Variants in RAB28 observed in about 807,000 individuals in gnomAD.
RAB28 encodes RAB28, member RAS oncogene family.
In RAB28, 24 loss-of-function variants were observed where a neutral mutation model predicts 31.7. The ratio of observed to expected loss-of-function variants is 0.76; its 90% confidence interval spans 0.55 to 1.06. RAB28 has a LOEUF of 1.06. Among genes scored for constraint, RAB28 ranks in the 50% least tolerant of loss-of-function variants. RAB28 has a pLI of 0.00. For synonymous variants in RAB28, 100 were observed against 90.4 expected, an observed-to-expected ratio of 1.11 and a Z score of -0.60; for missense variants, 254 against 258.5, an observed-to-expected ratio of 0.98 and a Z score of 0.12.
chr4:13,449,403 T>G (rs1051049404), intron 4 of RAB28, among the ~76,000 whole-genome samples: 2 of 151,922 alleles, frequency 1.3e-5, no homozygotes, highest in Non-Finnish European at 2.9e-5. Context: ...AAAAGTCTCT[T>G]TTAAAAGCCT....
chr4:13,440,439 A>G (rs886944221), intron 4 of RAB28, among the ~76,000 whole-genome samples: 1 of 152,116 alleles, frequency 6.6e-6, no homozygotes, highest in African/African-American at 2.4e-5. Context: ...TTATCAAAAA[A>G]GTTATTTAAA....
chr4:13,411,218 A>C (rs1712423735), intron 4 of RAB28, among the ~76,000 whole-genome samples: 1 of 152,200 alleles, frequency 6.6e-6, no homozygotes, highest in African/African-American at 2.4e-5. Context: ...CTGAACAAAA[A>C]AACAGCCCAA....
chr4:13,418,461 C>T (rs1405799847), intron 4 of RAB28, among the ~76,000 whole-genome samples: 1 of 151,980 alleles, frequency 6.6e-6, no homozygotes, highest in Non-Finnish European at 1.5e-5. Context: ...TCAGATTCAC[C>T]AAGGTTGAAA....
chr4:13,430,889 C>T (rs1159842661), intron 4 of RAB28, among the ~76,000 whole-genome samples: 5 of 152,142 alleles, frequency 3.3e-5, no homozygotes, highest in Non-Finnish European at 5.9e-5. Flanking sequence ...ACAAAGGAAA[C>T]GGGTGCAGCA....
intron 1 of RAB28, among the ~76,000 whole-genome samples, chr4:13,481,848 C>A (rs763933846): frequency 1.1e-4 from 16 of 151,766 alleles, no homozygotes; most frequent in Non-Finnish European, 2.4e-4. Flanking sequence ...GAAAAAAGAG[C>A]CAAGAGTTAA....
rs553277417 is a variant in RAB28, at chr4:13,431,165, G to C, written c.391+29534C>G. On this transcript the variant is annotated intron_variant, in intron 4 of 6. Transcript: ENST00000330852. Reference sequence around the variant, plus strand: ...ACCCAGCAACAGAGGACAGAACACAGAGTTGCCTGCCCTAGACTGGGAAAA... The same window carrying C: ...ACCCAGCAACAGAGGACAGAACACACAGTTGCCTGCCCTAGACTGGGAAAA... 3.3e-5 allele frequency among the ~76,000 whole-genome samples: 5 copies of C among 152,310 alleles called. No individual in the cohort carries two copies. The South Asian group carries it at 1.0e-3, about 32-fold the overall frequency.
At chr4:13,471,814 CATT>C (rs1484367351) in intron 3 of RAB28, among the ~76,000 whole-genome samples, 1 of 152,020 alleles carries the variant, frequency 6.6e-6, no homozygotes, top group Non-Finnish European at 1.5e-5. Flanking sequence ...TCATAGCAAT[CATT>C]AAGTGTAAAC....
chr4:13,375,539 A>G (rs1213097234), intron 6 of RAB28, among the ~76,000 whole-genome samples: 1 of 152,102 alleles, frequency 6.6e-6, no homozygotes, highest in African/African-American at 2.4e-5. Flanking sequence ...TCTCTTTCCT[A>G]TATTCTCCTA....
At chr4:13,398,262 T>A (rs1711541586) in intron 4 of RAB28, among the ~76,000 whole-genome samples, 1 of 152,210 alleles carries the variant, frequency 6.6e-6, no homozygotes, top group Non-Finnish European at 1.5e-5. Context: ...TGTCTTTTTA[T>A]TTTATTCATG....
chr4:13,479,817 G>GA (rs202008693), intron 1 of RAB28, among the ~76,000 whole-genome samples: 1,579 of 147,692 alleles, frequency 0.011, 8 homozygotes, highest in African/African-American at 0.019. Context: ...GTTATCAACA[G>GA]AAAAAAAAAC....
intron 3 of RAB28, among the ~76,000 whole-genome samples, chr4:13,471,905 A>G (rs1716139138): frequency 6.6e-6 from 1 of 152,120 alleles, no homozygotes; most frequent in Admixed American, 6.6e-5. Context: ...TCTAAGAACT[A>G]TAACATTCAC....
intron 1 of RAB28, among the ~76,000 whole-genome samples, 173 bp downstream of exon 1, chr4:13,483,903 G>T (rs961636620): frequency 6.6e-6 from 1 of 152,188 alleles, no homozygotes; most frequent in Non-Finnish European, 1.5e-5. Flanking sequence ...AGCTCTCGTC[G>T]GCCTTCACCA....
intron 4 of RAB28, among the ~76,000 whole-genome samples, chr4:13,421,893 T>G (rs1272630568): frequency 1.3e-5 from 2 of 152,072 alleles, no homozygotes; most frequent in Non-Finnish European, 2.9e-5. Context: ...AAGCCAAAAT[T>G]GACAAATGGG....
intron 4 of RAB28, among the ~76,000 whole-genome samples, chr4:13,457,568 C>T (rs1715363037): frequency 2.0e-5 from 3 of 149,030 alleles, no homozygotes; most frequent in Admixed American, 2.0e-4. Context: ...ATTATAAATA[C>T]ATACAAAGGG....
At chr4:13,392,917 G>T (rs549420187) in intron 4 of RAB28, among the ~76,000 whole-genome samples, 2 of 152,216 alleles carry the variant, frequency 1.3e-5, no homozygotes, top group Non-Finnish European at 1.5e-5. Context: ...ATCTCATAAG[G>T]TTGCTATAAT....
intron 3 of RAB28, among the ~76,000 whole-genome samples, chr4:13,466,438 T>C (rs1346888264): frequency 6.7e-6 from 1 of 149,474 alleles, no homozygotes; most frequent in Non-Finnish European, 1.5e-5. Flanking sequence ...GGCTAACAGA[T>C]ATATTTTTTA....
intron 3 of RAB28, among the ~76,000 whole-genome samples, chr4:13,470,393 A>T (rs1218919616): frequency 6.6e-6 from 1 of 152,114 alleles, no homozygotes; most frequent in Non-Finnish European, 1.5e-5. Context: ...GGTCTTGGAG[A>T]GTCCAGTTTT....
intron 3 of RAB28, among the ~76,000 whole-genome samples, chr4:13,465,114 G>T (rs1438058734): frequency 2.0e-5 from 3 of 151,678 alleles, no homozygotes; most frequent in African/African-American, 7.3e-5. Context: ...AATGCAAAAA[G>T]AAAAAAACAA....
chr4:13,405,797 T>C (rs775689457), intron 4 of RAB28, among the ~76,000 whole-genome samples: 1 of 152,208 alleles, frequency 6.6e-6, no homozygotes, highest in Non-Finnish European at 1.5e-5. Flanking sequence ...AAGAATTTTC[T>C]ATTCCTCAAC....
Sources: gnomAD v4.1 joint callset for allele counts (sites outside exome capture counted in the v4.1 genomes callset) on GRCh38, gnomAD v4.1.1 for gene constraint, MANE v1.5 for transcripts, NCBI Gene and HGNC (gene_info 2026-07-23, HGNC 2026-07-21) for gene names.